The following EPHB1 variants were observed in gnomAD, a reference collection of about 807,000 sequenced individuals.
The protein encoded by EPHB1 is ephrin type-B receptor 1.
Under a neutral mutation model 94.4 loss-of-function variants are expected in EPHB1, and 30 were observed. The ratio of observed to expected loss-of-function variants is 0.32; its 90% CI spans 0.24 to 0.43. The LOEUF is 0.43. Ranked by LOEUF, EPHB1 falls within the 20% of genes least tolerant of loss-of-function variation. The pLI is 1.00. For missense variants in EPHB1, 1,055 were observed against 1,308.3 expected, an observed-to-expected ratio of 0.81 and a Z score of 2.99; for synonymous variants, 522 against 489.1, an observed-to-expected ratio of 1.07 and a Z score of -0.89.
chr3:135,181,768 G>T (rs1225802695), intron 10 of EPHB1, among the ~76,000 whole-genome samples: 1 of 151,802 alleles, frequency 6.6e-6, no homozygotes, highest in African/African-American at 2.4e-5. Context: ...TTCACCAGCT[G>T]CTGGATGCCT....
chr3:134,942,656 TG>T (rs1414703844), intron 2 of EPHB1, among the ~76,000 whole-genome samples: 1 of 152,168 alleles, frequency 6.6e-6, no homozygotes, highest in African/African-American at 2.4e-5. Flanking sequence ...GAGGTCAAGT[TG>T]GTGATGCACT....
At chr3:134,862,817 T>G (rs2037295521) in intron 1 of EPHB1, among the ~76,000 whole-genome samples, 1 of 152,156 alleles carries the variant, frequency 6.6e-6, no homozygotes, top group Admixed American at 6.5e-5. Flanking sequence ...CTCCTGTTCC[T>G]CCTCCTGGAG....
chr3:135,079,092 A>C (rs543305229), intron 3 of EPHB1, among the ~76,000 whole-genome samples: 7 of 151,472 alleles, frequency 4.6e-5, no homozygotes, highest in Non-Finnish European at 8.8e-5. Flanking sequence ...CAAGCAAAAA[A>C]AAAACAAAAC....
At chr3:135,198,337 A>G (rs907122194) in intron 11 of EPHB1, among the ~76,000 whole-genome samples, 15 of 152,224 alleles carry the variant, frequency 9.9e-5, no homozygotes, top group African/African-American at 3.6e-4. Flanking sequence ...CTGTGAAAAC[A>G]ATATAATATT....
intron 1 of EPHB1, among the ~76,000 whole-genome samples, chr3:134,882,765 C>CCTTCCTTCCTTTCTTTCTTT (rs1553861897): frequency 1.3e-5 from 1 of 79,882 alleles, no homozygotes; most frequent in African/African-American, 4.5e-5. Context: ...TTCCTTCCTT[C>CCTTCCTTCCTTTCTTTCTTT]CTTTCTTTCT....
chr3:134,815,235 A>C lies in EPHB1; in HGVS notation c.58+19546A>C, dbSNP rs749351141. Among the ~76,000 whole-genome samples, 46 of 152,318 alleles carry C rather than the reference A, an allele frequency of 3.0e-4. 1 individual carries two copies. Among genetic ancestry groups the C allele is most frequent in the Admixed American group, 2.1e-3 (32 of 15,292 alleles). On this transcript the variant is annotated intron_variant, in intron 1 of 15. Transcript: ENST00000398015. ...TATAACAAAATGTTAATATTTCCAAATTTGTAACTGCATTGTGGTCAAATA... is the reference window on the plus strand; with the variant it reads ...TATAACAAAATGTTAATATTTCCAACTTTGTAACTGCATTGTGGTCAAATA...
chr3:134,846,464 C>T (rs1312226985), intron 1 of EPHB1, among the ~76,000 whole-genome samples: 2 of 152,180 alleles, frequency 1.3e-5, no homozygotes, highest in Admixed American at 6.5e-5. Flanking sequence ...GCAAGAGCAT[C>T]GCGTGGGTGC....
At chr3:135,189,106 C>G (rs1321017197) in intron 10 of EPHB1, among the ~76,000 whole-genome samples, 3 of 152,174 alleles carry the variant, frequency 2.0e-5, no homozygotes, top group Admixed American at 2.0e-4. Context: ...TAACGTTTCC[C>G]AATTAGGAAA....
At chr3:134,961,734 G>T (rs1317976737) in intron 3 of EPHB1, among the ~76,000 whole-genome samples, 1 of 152,112 alleles carries the variant, frequency 6.6e-6, no homozygotes, top group Non-Finnish European at 1.5e-5. Context: ...ATATAGATCT[G>T]CCTCATTCTT....
intron 3 of EPHB1, among the ~76,000 whole-genome samples, chr3:135,059,051 T>C (rs946096013): frequency 6.9e-6 from 1 of 143,996 alleles, no homozygotes; most frequent in Non-Finnish European, 1.6e-5. Flanking sequence ...GTGTGACAGA[T>C]ATTATCAAAT....
chr3:135,101,001 A>G (rs1431385745), intron 3 of EPHB1, among the ~76,000 whole-genome samples: 1 of 152,142 alleles, frequency 6.6e-6, no homozygotes, highest in Admixed American at 6.5e-5. Context: ...GCAAGTTTCT[A>G]GGCCTTCTGT....
chr3:135,000,504 G>T (rs112123445), intron 3 of EPHB1, among the ~76,000 whole-genome samples: 15 of 152,324 alleles, frequency 9.8e-5, no homozygotes, highest in African/African-American at 3.4e-4. Flanking sequence ...AACAGGACCT[G>T]CAAATTGGCT....
intron 1 of EPHB1, among the ~76,000 whole-genome samples, chr3:134,910,803 C>A (rs559865805): frequency 6.6e-6 from 1 of 152,208 alleles, no homozygotes; most frequent in East Asian, 1.9e-4. Flanking sequence ...GCCGTACTCT[C>A]ATTAGGCTTC....
intron 2 of EPHB1, among the ~76,000 whole-genome samples, chr3:134,948,821 T>G (rs1255448874): frequency 6.6e-6 from 1 of 152,274 alleles, no homozygotes; most frequent in Non-Finnish European, 1.5e-5. Flanking sequence ...AGGGCCAGTG[T>G]GCACAGGTTC....
intron 3 of EPHB1, among the ~76,000 whole-genome samples, chr3:135,060,690 C>T (rs1356341611): frequency 2.0e-5 from 3 of 151,930 alleles, no homozygotes; most frequent in African/African-American, 7.3e-5. Flanking sequence ...TTATGGGATA[C>T]ATGAGATGTT....
intron 4 of EPHB1, among the ~76,000 whole-genome samples, chr3:135,114,537 TAAAAAAAAAA>T (rs56100882): frequency 9.1e-4 from 34 of 37,220 alleles, no homozygotes; most frequent in African/African-American, 1.4e-3. Flanking sequence ...CTGTCTCTAC[TAAAAAAAAAA>T]AAAAAAAAAA....
intron 3 of EPHB1, among the ~76,000 whole-genome samples, chr3:134,973,841 C>T (rs183925754): frequency 1.6e-4 from 25 of 152,260 alleles, no homozygotes; most frequent in Admixed American, 7.2e-4. Flanking sequence ...AAAGCATTTC[C>T]GGAATACTCA....
intron 3 of EPHB1, among the ~76,000 whole-genome samples, chr3:135,085,670 T>G (rs1938335581): frequency 6.6e-6 from 1 of 152,218 alleles, no homozygotes; most frequent in Non-Finnish European, 1.5e-5. Context: ...CATTGCCCAG[T>G]GTTCCTCAGC....
At chr3:135,129,766 G>A (rs1407878392) in intron 4 of EPHB1, among the ~76,000 whole-genome samples, 1 of 152,202 alleles carries the variant, frequency 6.6e-6, no homozygotes, top group Admixed American at 6.5e-5. Flanking sequence ...GGGTCCTAGT[G>A]GAATGGGTGC....
Sources: allele counts gnomAD v4.1 joint callset (sites outside exome capture counted in the v4.1 genomes callset), GRCh38; gene constraint gnomAD v4.1.1; transcripts MANE v1.5; gene names NCBI Gene and HGNC (gene_info 2026-07-23, HGNC 2026-07-21).